The following TSBP1 variants were observed in gnomAD, a reference collection of about 807,000 sequenced individuals.
The protein encoded by TSBP1 is testis expressed basic protein 1.
TSBP1 carries 56 observed loss-of-function variants against 68.8 expected under a neutral mutation model. The observed-to-expected ratio is 0.81, with a 90% CI of 0.66 to 1.02. The LOEUF (loss-of-function observed/expected upper bound fraction) is 1.02, where lower values mean the gene tolerates loss of function less well. TSBP1 is among the 50% of genes least tolerant of loss of function. The pLI is 0.00. For synonymous variants in TSBP1, 171 were observed against 208.7 expected, an observed-to-expected ratio of 0.82 and a Z score of 1.56; for missense variants, 502 against 641.2, an observed-to-expected ratio of 0.78 and a Z score of 2.34.
At chr6:32,360,949 A>C (rs1201544162) in intron 6 of TSBP1, among the ~76,000 whole-genome samples, 1 of 151,620 alleles carries the variant, frequency 6.6e-6, no homozygotes, top group Non-Finnish European at 1.5e-5. Context: ...TTACATATAT[A>C]TACATGTGCC....
chr6:32,352,139 TAGAAG>T (rs1771784028), intron 8 of TSBP1, among the ~76,000 whole-genome samples: 1 of 151,964 alleles, frequency 6.6e-6, no homozygotes, highest in Non-Finnish European at 1.5e-5. Context: ...GGGCAAGAAA[TAGAAG>T]AGAAAAGACA....
chr6:32,350,507 C>T (rs78834018), intron 8 of TSBP1, among the ~76,000 whole-genome samples: 3,023 of 152,104 alleles, frequency 0.02, 86 homozygotes, highest in African/African-American at 0.058. Flanking sequence ...AAGAAGGAAC[C>T]CATATTCTTG....
In TSBP1 at chr6:32,365,494, G is replaced by A. The variant is rs903987215; in HGVS notation, c.217+673C>T. On this transcript the variant is annotated intron_variant, in intron 6 of 22. Coordinates refer to ENST00000612031, the Ensembl canonical transcript of TSBP1. The surrounding 1 kb of genome is among the most constrained non-coding windows in gnomAD (Gnocchi z 4.3). ...AGGCTTTCTGATGAGGCTTTCTGAT[G>A]AGTGGGTTCTGCAGTCTCTTTTCCC... 1 of 456,722 alleles carries A rather than the reference G, an allele frequency of 2.2e-6. No homozygotes were observed. The highest frequency in any genetic ancestry group is 2.3e-5 in the Admixed American group (1 of 42,592). 28.3% of individuals were successfully genotyped at this position (456,722 alleles called of 1,614,324 possible). A position where few individuals can be genotyped will look rare whatever the true frequency, so the allele number is the denominator to read the frequency against.
intron 3 of TSBP1, among the ~76,000 whole-genome samples, chr6:32,368,410 T>C (rs3129934): frequency 0.83 from 126,497 of 152,100 alleles, 52,726 homozygotes; most frequent in South Asian, 0.92. Context: ...TTATATTTTT[T>C]GGTCCGGCCA....
At chr6:32,355,178 C>T (rs1772151837) in intron 7 of TSBP1, 34 bp from the exon 8 acceptor site, 1 of 1,608,738 alleles carries the variant, frequency 6.2e-7, no homozygotes, top group Non-Finnish European at 8.5e-7. Context: ...TGAGGTGAAT[C>T]ATGAGAGTTT....
chr6:32,335,365 T>C lies in TSBP1; in HGVS notation c.472+72A>G. 7.1e-7 allele frequency: 1 copy of C among 1,404,396 alleles called. No homozygotes were observed. The highest frequency in any genetic ancestry group is 1.5e-5 in the African/African-American group (1 of 66,546). 87.0% of individuals were successfully genotyped at this position (1,404,396 alleles called of 1,614,324 possible). A position where few individuals can be genotyped will look rare whatever the true frequency, so the allele number is the denominator to read the frequency against. ...TCCTTGAGTCCTTGGGCATGAATAA[T>C]TGAAATAAAAATAGATTGATGTTCT... On this transcript the variant is annotated intron_variant, in intron 14 of 22. Transcript: ENST00000612031. The surrounding 1 kb of genome is among the most constrained non-coding windows in gnomAD (Gnocchi z 5.5).
intron 17 of TSBP1, chr6:32,323,360 A>G: frequency 1.4e-6 from 1 of 696,664 alleles, no homozygotes; most frequent in Non-Finnish European, 2.6e-6. Context: ...TAATTAAAGC[A>G]CTTAAATAGT....
At chr6:32,303,553 G>A (rs1302962717) in intron 19 of TSBP1, among the ~76,000 whole-genome samples, 16 of 151,194 alleles carry the variant, frequency 1.1e-4, no homozygotes, top group Non-Finnish European at 2.2e-4. Context: ...TACTTTTATT[G>A]TTAAATTTGA....
chr6:32,365,998 G>GC lies in TSBP1; in HGVS notation c.217+168dup. 9.9e-7 allele frequency: 1 copy of GC among 1,008,406 alleles called. No homozygotes were observed. The highest frequency in any genetic ancestry group is 1.5e-6 in the Non-Finnish European group (1 of 661,856). 62.5% of individuals were successfully genotyped at this position (1,008,406 alleles called of 1,614,324 possible). A position where few individuals can be genotyped will look rare whatever the true frequency, so the allele number is the denominator to read the frequency against. Reference sequence around the variant, plus strand: ...ATTGCATAGCTTTGGGGAAAATGGTGCCTCATAGCGTGATGGTGAACATTT... The same window carrying GC: ...ATTGCATAGCTTTGGGGAAAATGGTGCCCTCATAGCGTGATGGTGAACATTT... On this transcript the variant is annotated intron_variant, in intron 6 of 22. Coordinates refer to ENST00000612031, the Ensembl canonical transcript of TSBP1. This position sits in a 1 kb window ranked among gnomAD's most constrained non-coding sequence, Gnocchi z 4.3.
intron 16 of TSBP1, chr6:32,324,008 G>A (rs1583044227): frequency 4.4e-6 from 1 of 227,050 alleles, no homozygotes; most frequent in Non-Finnish European, 8.7e-6. Flanking sequence ...CTTTCAGTTT[G>A]TTAAGTCCCT....
intron 19 of TSBP1, among the ~76,000 whole-genome samples, chr6:32,309,962 T>G (rs117143402): frequency 0.023 from 3,478 of 152,294 alleles, 59 homozygotes; most frequent in South Asian, 0.047. Context: ...GTTCAATGTT[T>G]TAATTTTTAG....
rs530147116 is a variant in TSBP1, at chr6:32,354,976, A to G, written c.259+148T>C. 9.6e-5 allele frequency: 53 copies of G among 554,150 alleles called. No homozygotes were observed. The African/African-American group carries it at 9.8e-4, about 10-fold the overall frequency. The allele number at this position is 554,150 out of a possible 1,614,324, so 34.3% of individuals were successfully genotyped here. On this transcript the variant is annotated intron_variant, in intron 8 of 22. Transcript: ENST00000612031. ...TGAGAAATATGACAAGAATATTATC[A>G]ATTTGTCACATCTAAGGTGTGATAT... is the stretch of plus-strand genomic sequence containing the variant.
chr6:32,324,888 A>G (rs374847599), intron 16 of TSBP1, among the ~76,000 whole-genome samples: 1 of 152,292 alleles, frequency 6.6e-6, no homozygotes, highest in East Asian at 1.9e-4. Flanking sequence ...TAGAACTTCA[A>G]GTTCCATGTT....
rs115191445 is a variant in TSBP1, at chr6:32,325,263, G to A, written c.515-1649C>T. The A allele has an allele frequency of 0.012, 15,755 of 1,296,672 alleles. 532 individuals carry two copies. Among genetic ancestry groups the A allele is most frequent in the African/African-American group, 0.12 (7,934 of 66,896 alleles). The allele number at this position is 1,296,672 out of a possible 1,614,324, so 80.3% of individuals were successfully genotyped here. A position where few individuals can be genotyped will look rare whatever the true frequency, so the allele number is the denominator to read the frequency against. ...CTAAAGAGCCAGAACAACTGAGGAAGCTCTTCATTGGAGGGTTGAGCTTTG... is the reference window on the plus strand; with the variant it reads ...CTAAAGAGCCAGAACAACTGAGGAAACTCTTCATTGGAGGGTTGAGCTTTG... On this transcript the variant is annotated intron_variant, in intron 16 of 22. Coordinates refer to ENST00000612031, the Ensembl canonical transcript of TSBP1. This position sits in a 1 kb window ranked among gnomAD's most constrained non-coding sequence, Gnocchi z 4.4.
chr6:32,330,493 G>A, intron 16 of TSBP1, 96 bp downstream of exon 17: 1 of 1,096,804 alleles, frequency 9.1e-7, no homozygotes, highest in South Asian at 1.5e-5. Flanking sequence ...TTATGGCAGT[G>A]AGACACATCT....
chr6:32,359,067 C>T (rs6457549), intron 6 of TSBP1, among the ~76,000 whole-genome samples: 1 of 121,912 alleles, frequency 8.2e-6, no homozygotes, highest in Non-Finnish European at 1.7e-5. Context: ...ATCCCTCCCC[C>T]CTCCCCCCAC....
At chr6:32,312,756 G>A (rs760307504) in intron 19 of TSBP1, among the ~76,000 whole-genome samples, 35 of 151,928 alleles carry the variant, frequency 2.3e-4, no homozygotes, top group Non-Finnish European at 4.6e-4. Context: ...ATCACATTCA[G>A]TCGAACAGCA....
chr6:32,294,086 A>G, intron 22 of TSBP1, 51 bp from the exon 26 acceptor site: 1 of 1,588,400 alleles, frequency 6.3e-7, no homozygotes, highest in African/African-American at 1.3e-5. Context: ...TTTTCTCTTT[A>G]TTTCTATTTT....
At chr6:32,318,608 C>T (rs567308190) in intron 18 of TSBP1, among the ~76,000 whole-genome samples, 1 of 152,270 alleles carries the variant, frequency 6.6e-6, no homozygotes, top group South Asian at 2.1e-4. Flanking sequence ...GTGGATGAAC[C>T]TGGTGAACCT....
Sources: gnomAD v4.1 joint callset for allele counts (sites outside exome capture counted in the v4.1 genomes callset) on GRCh38, gnomAD v4.1.1 for gene constraint, Gnocchi (gnomAD v3.1) non-coding constraint, MANE v1.5 for transcripts, NCBI Gene and HGNC (gene_info 2026-07-23, HGNC 2026-07-21) for gene names.